CPNE5: variants seen among roughly 807,000 people sequenced by gnomAD.
CPNE5 encodes copine 5, also known as copine-5.
Under a neutral mutation model 81.1 loss-of-function variants are expected in CPNE5, and 42 were observed. The ratio of observed to expected loss-of-function variants is 0.52; its 90% CI spans 0.40 to 0.67. The LOEUF is 0.67. CPNE5 is among the 30% of genes least tolerant of loss of function. The pLI, the probability that CPNE5 is intolerant of heterozygous loss-of-function variation, is 0.00. For missense variants in CPNE5, 612 were observed against 815.5 expected (o/e 0.75, Z 3.04); for synonymous variants, 313 against 321.5 (o/e 0.97, Z 0.28).
intron 8 of CPNE5, among the ~76,000 whole-genome samples, chr6:36,782,671 G>A (rs1730035955): frequency 6.6e-6 from 1 of 152,062 alleles, no homozygotes; most frequent in African/African-American, 2.4e-5. Context: ...GGGCATGCCT[G>A]TAATCCCAGC....
At chr6:36,753,818 G>A (rs561574026) in intron 13 of CPNE5, among the ~76,000 whole-genome samples, 2 of 152,364 alleles carry the variant, frequency 1.3e-5, no homozygotes, top group South Asian at 4.1e-4. Context: ...GAATCAAGGA[G>A]ACAAATGAAA....
intron 10 of CPNE5, among the ~76,000 whole-genome samples, chr6:36,772,833 T>G (rs1767155587): frequency 6.6e-6 from 1 of 152,120 alleles, no homozygotes; most frequent in African/African-American, 2.4e-5. Context: ...TTTGTTTGTT[T>G]TCTTTTTTGT....
chr6:36,798,668 A>T (rs924914449), intron 4 of CPNE5, among the ~76,000 whole-genome samples, 174 bp from the exon 5 acceptor site: 1 of 152,154 alleles, frequency 6.6e-6, no homozygotes, highest in Admixed American at 6.5e-5. Context: ...GGTGCTGGAC[A>T]TGTTCTGTCC....
intron 3 of CPNE5, among the ~76,000 whole-genome samples, chr6:36,811,420 C>A (rs1260999899): frequency 6.6e-6 from 1 of 152,246 alleles, no homozygotes; most frequent in East Asian, 1.9e-4. Flanking sequence ...GCAGGCCAGG[C>A]ACTTTACACG....
intron 14 of CPNE5, among the ~76,000 whole-genome samples, chr6:36,752,361 T>A (rs1309249505): frequency 1.3e-5 from 2 of 152,044 alleles, no homozygotes; most frequent in African/African-American, 4.8e-5. Flanking sequence ...GGCTCCCCCA[T>A]CTGTCTGGGC....
intron 10 of CPNE5, among the ~76,000 whole-genome samples, chr6:36,773,514 A>G (rs907097392): frequency 7.9e-5 from 12 of 152,204 alleles, no homozygotes; most frequent in African/African-American, 2.9e-4. Flanking sequence ...CACCCTGCTG[A>G]TTTCCCAGCA....
At chr6:36,828,906 A>G (rs1772749784) in intron 1 of CPNE5, among the ~76,000 whole-genome samples, 1 of 152,188 alleles carries the variant, frequency 6.6e-6, no homozygotes, top group African/African-American at 2.4e-5. Context: ...TTCTCTGTGC[A>G]TCAGTATTCC....
chr6:36,745,622 A>T, intron 16 of CPNE5, 107 bp from the exon 17 acceptor site: 168 of 1,138,698 alleles, frequency 1.5e-4, no homozygotes, highest in East Asian at 5.7e-4. Flanking sequence ...GGGCTCCCCC[A>T]GGTCTTCTCT....
chr6:36,769,667 A>G (rs1766883481), intron 10 of CPNE5, among the ~76,000 whole-genome samples: 1 of 152,224 alleles, frequency 6.6e-6, no homozygotes, highest in Non-Finnish European at 1.5e-5. Context: ...TGAGACTGGC[A>G]GCAATCTCGG....
chr6:36,805,174 C>T (rs1337262954), intron 3 of CPNE5, among the ~76,000 whole-genome samples: 2 of 152,194 alleles, frequency 1.3e-5, no homozygotes, highest in Non-Finnish European at 2.9e-5. Context: ...ATAGAGTTTT[C>T]AAGCCAGAAG....
intron 6 of CPNE5, among the ~76,000 whole-genome samples, chr6:36,796,193 C>G (rs1483902632): frequency 2.0e-5 from 3 of 152,248 alleles, no homozygotes; most frequent in African/African-American, 7.2e-5. Flanking sequence ...AGGTGATCCA[C>G]CCGCCTCGGC....
At chr6:36,820,488 CG>C (rs1373529634) in intron 3 of CPNE5, among the ~76,000 whole-genome samples, 1 of 151,832 alleles carries the variant, frequency 6.6e-6, no homozygotes, top group Non-Finnish European at 1.5e-5. Flanking sequence ...ACTACAGGCA[CG>C]CACCACCACG....
At chr6:36,813,439 G>A (rs867817252) in intron 3 of CPNE5, among the ~76,000 whole-genome samples, 16 of 152,334 alleles carry the variant, frequency 1.1e-4, no homozygotes, top group Middle Eastern at 3.4e-3. Context: ...GGTGAGGCAG[G>A]AGAATCACTT....
chr6:36,772,313 T>C lies in CPNE5; in HGVS notation c.737+2648A>G, dbSNP rs1767106231. ...CCACCCCTGACTTTCCAGCCTTTCC[T>C]GGGCCTTCTTTAGAACTCACTGCTC... On this transcript the variant is annotated intron_variant, in intron 10 of 20. Coordinates refer to ENST00000244751, the MANE Select transcript of CPNE5 (RefSeq NM_020939.2). 2.0e-5 allele frequency among the ~76,000 whole-genome samples: 3 copies of C among 152,156 alleles called. No homozygotes were observed. In the South Asian group the frequency reaches 6.2e-4, roughly 32 times the overall value.
At chr6:36,807,445 G>A (rs1770696970) in intron 3 of CPNE5, among the ~76,000 whole-genome samples, 1 of 152,284 alleles carries the variant, frequency 6.6e-6, no homozygotes, top group South Asian at 2.1e-4. Flanking sequence ...GAGAGCCTGG[G>A]ACATAAAACG....
At chr6:36,767,317 G>A (rs1766647747) in intron 10 of CPNE5, among the ~76,000 whole-genome samples, 1 of 152,188 alleles carries the variant, frequency 6.6e-6, no homozygotes, top group Non-Finnish European at 1.5e-5. Flanking sequence ...TCAGGAATCT[G>A]TTTTCAAGGC....
Position 36,740,850 on chromosome 6 carries a change from C to T in CPNE5, c.*1418G>A, listed in dbSNP as rs565342384. 1 of 152,768 alleles carries T rather than the reference C, an allele frequency of 6.5e-6. No homozygotes were observed. Among genetic ancestry groups the T allele is most frequent in the Admixed American group, 6.5e-5 (1 of 15,306 alleles). The allele number at this position is 152,768 out of a possible 1,614,324, so 9.5% of individuals were successfully genotyped here. A position where few individuals can be genotyped will look rare whatever the true frequency, so the allele number is the denominator to read the frequency against. ...GACTGTCTCAGAGACGGGCACAGAA[C>T]CAGACACCGTAGAAACACCACCACC... On this transcript the variant is annotated 3_prime_UTR_variant, in exon 21 of 21. Transcript: ENST00000244751.
chr6:36,766,371 G>A lies in CPNE5; in HGVS notation c.738-995C>T, dbSNP rs1369255266. On this transcript the variant is annotated intron_variant, in intron 10 of 20. Coordinates refer to ENST00000244751, the MANE Select transcript of CPNE5 (RefSeq NM_020939.2). This position sits in a 1 kb window ranked among gnomAD's most constrained non-coding sequence, Gnocchi z 4.2. ...TCAGATGAGCATCCTCAGGACCAAG[G>A]GTAGGCGACAGATCCACCGCAGCAG... is the stretch of plus-strand genomic sequence containing the variant. Among the ~76,000 whole-genome samples the A allele has an allele frequency of 6.6e-6, 1 of 152,166 alleles. No homozygotes were observed. The highest frequency in any genetic ancestry group is 2.4e-5 in the African/African-American group (1 of 41,428).
chr6:36,780,072 C>T (rs1767899813), intron 8 of CPNE5, among the ~76,000 whole-genome samples: 1 of 151,910 alleles, frequency 6.6e-6, no homozygotes, highest in African/African-American at 2.4e-5. Context: ...TCATGCCATT[C>T]TCCTGCTCAG....
Sources: gnomAD v4.1 joint callset for allele counts (sites outside exome capture counted in the v4.1 genomes callset) on GRCh38, gnomAD v4.1.1 for gene constraint, Gnocchi (gnomAD v3.1) non-coding constraint, MANE v1.5 for transcripts, NCBI Gene and HGNC (gene_info 2026-07-23, HGNC 2026-07-21) for gene names.